The following PAPPA variants were observed in gnomAD, a reference collection of about 807,000 sequenced individuals.
The protein encoded by PAPPA is pappalysin 1.
PAPPA carries 60 observed loss-of-function variants against 164.0 expected under a neutral mutation model. That is an observed-to-expected ratio of 0.37 (90% CI 0.30 to 0.45). The LOEUF (loss-of-function observed/expected upper bound fraction) is 0.45. PAPPA is among the 20% of genes least tolerant of loss of function. PAPPA has a pLI of 1.00. For missense variants in PAPPA, 1,782 were observed against 2,087.3 expected (o/e 0.85, Z 2.85); for synonymous variants, 875 against 814.1 (o/e 1.07, Z -1.27).
At chr9:116,332,781 C>T in intron 12 of PAPPA, 1 of 225,488 alleles carries the variant, frequency 4.4e-6, no homozygotes, top group South Asian at 1.2e-4. Flanking sequence ...GAGCCATTTC[C>T]CCGTTGTACA....
chr9:116,282,385 T>C (rs1245598025), intron 9 of PAPPA, among the ~76,000 whole-genome samples: 1 of 152,226 alleles, frequency 6.6e-6, no homozygotes, highest in Admixed American at 6.5e-5. Context: ...AACCCATGAA[T>C]ATGGAGGGCC....
intron 18 of PAPPA, among the ~76,000 whole-genome samples, chr9:116,363,591 G>A (rs1247712723): frequency 1.3e-5 from 2 of 152,190 alleles, no homozygotes; most frequent in Non-Finnish European, 2.9e-5. Flanking sequence ...GGGCAGTGAT[G>A]CTGACCTTTT....
At chr9:116,272,529 C>T (rs1436472385) in intron 9 of PAPPA, among the ~76,000 whole-genome samples, 1 of 152,162 alleles carries the variant, frequency 6.6e-6, no homozygotes, top group Non-Finnish European at 1.5e-5. Flanking sequence ...TACCATGTGT[C>T]TCTTATTCAA....
intron 2 of PAPPA, among the ~76,000 whole-genome samples, chr9:116,195,063 C>A (rs74631639): frequency 5.3e-4 from 81 of 152,276 alleles, no homozygotes; most frequent in Middle Eastern, 3.4e-3. Flanking sequence ...CTGTACAAAA[C>A]CATTCCAGGC....
intron 7 of PAPPA, among the ~76,000 whole-genome samples, chr9:116,247,168 A>G (rs1202508140): frequency 6.6e-6 from 1 of 152,188 alleles, no homozygotes; most frequent in African/African-American, 2.4e-5. Flanking sequence ...CAATTGTTAT[A>G]TGTCCAAATA....
chr9:116,234,524 G>A (rs1479011196), intron 6 of PAPPA, among the ~76,000 whole-genome samples: 1 of 152,128 alleles, frequency 6.6e-6, no homozygotes, highest in Non-Finnish European at 1.5e-5. Flanking sequence ...ATTCTTTGCT[G>A]GTCGGGGGGT....
chr9:116,262,990 G>A (rs34312032), intron 7 of PAPPA, among the ~76,000 whole-genome samples: 28,875 of 152,040 alleles, frequency 0.19, 2,936 homozygotes, highest in Middle Eastern at 0.28. Context: ...GAATTTTTCC[G>A]TGGAAAACAT....
intron 7 of PAPPA, among the ~76,000 whole-genome samples, chr9:116,248,365 C>G (rs1165109758): frequency 6.6e-6 from 1 of 152,128 alleles, no homozygotes; most frequent in Non-Finnish European, 1.5e-5. Flanking sequence ...GCCCAAGACC[C>G]CTGTCTATAA....
At chr9:116,243,053 G>GGGATTTCAAT (rs1366273577) in intron 7 of PAPPA, among the ~76,000 whole-genome samples, 1 of 152,066 alleles carries the variant, frequency 6.6e-6, no homozygotes, top group Non-Finnish European at 1.5e-5. Context: ...TCGTTAAATT[G>GGGATTTCAAT]GGATTTCAAT....
chr9:116,303,309 A>G (rs1262680899), intron 10 of PAPPA, among the ~76,000 whole-genome samples: 2 of 152,200 alleles, frequency 1.3e-5, no homozygotes, highest in Non-Finnish European at 2.9e-5. Context: ...ACTTGAATTA[A>G]CAGTAATTAT....
intron 7 of PAPPA, among the ~76,000 whole-genome samples, chr9:116,261,514 C>T (rs149090803): frequency 3.1e-4 from 47 of 152,204 alleles, no homozygotes; most frequent in African/African-American, 9.9e-4. Context: ...AACAGACCCC[C>T]GCAAAATCAC....
At chr9:116,209,938 T>C (rs1844286410) in intron 3 of PAPPA, among the ~76,000 whole-genome samples, 1 of 152,082 alleles carries the variant, frequency 6.6e-6, no homozygotes, top group African/African-American at 2.4e-5. Flanking sequence ...GGCTGCCCTC[T>C]CCCCATCCCA....
At chr9:116,229,428 G>T (rs449410) in intron 6 of PAPPA, among the ~76,000 whole-genome samples, 1 of 152,174 alleles carries the variant, frequency 6.6e-6, no homozygotes, top group East Asian at 1.9e-4. Flanking sequence ...AGCTAATGGA[G>T]CACACTCTTC....
chr9:116,231,430 C>T (rs1468804980), intron 6 of PAPPA, among the ~76,000 whole-genome samples: 1 of 152,094 alleles, frequency 6.6e-6, no homozygotes, highest in Non-Finnish European at 1.5e-5. Flanking sequence ...AATCTCCCAG[C>T]TGTGTTCACT....
intron 6 of PAPPA, among the ~76,000 whole-genome samples, chr9:116,230,243 T>C (rs1052233478): frequency 2.6e-5 from 4 of 152,228 alleles, no homozygotes; most frequent in Admixed American, 6.5e-5. Flanking sequence ...CCTTTTAATA[T>C]CCTTGAAGAA....
intron 1 of PAPPA, among the ~76,000 whole-genome samples, chr9:116,180,662 C>A (rs1843894109): frequency 6.6e-6 from 1 of 152,090 alleles, no homozygotes; most frequent in African/African-American, 2.4e-5. Context: ...AAATTGTCAT[C>A]CTTTGCTAAT....
chr9:116,322,754 G>C (rs1476991141), intron 10 of PAPPA, among the ~76,000 whole-genome samples: 1 of 151,952 alleles, frequency 6.6e-6, no homozygotes, highest in African/African-American at 2.4e-5. Context: ...GGCCTAAGGA[G>C]AAATATTGAG....
intron 9 of PAPPA, among the ~76,000 whole-genome samples, chr9:116,277,643 G>T (rs559052223): frequency 8.5e-5 from 13 of 152,136 alleles, no homozygotes; most frequent in African/African-American, 3.1e-4. Flanking sequence ...TGCTACTGAT[G>T]CTATTATTGT....
intron 2 of PAPPA, among the ~76,000 whole-genome samples, chr9:116,204,981 A>G (rs928904295): frequency 1.3e-5 from 2 of 151,840 alleles, no homozygotes; most frequent in Non-Finnish European, 2.9e-5. Flanking sequence ...CCCCTGATAT[A>G]TTTGAGAGAC....
Sources: gnomAD v4.1 joint callset for allele counts (sites outside exome capture counted in the v4.1 genomes callset) on GRCh38, gnomAD v4.1.1 for gene constraint, MANE v1.5 for transcripts, NCBI Gene and HGNC (gene_info 2026-07-23, HGNC 2026-07-21) for gene names.